The following ADAM2 variants were observed in gnomAD, a reference collection of about 807,000 sequenced individuals.
The protein encoded by ADAM2 is ADAM metallopeptidase domain 2, also known as disintegrin and metalloproteinase domain-containing protein 2.
Under a neutral mutation model 99.3 loss-of-function variants are expected in ADAM2, and 101 were observed. The ratio of observed to expected loss-of-function variants is 1.02; its 90% CI spans 0.87 to 1.20. The LOEUF (loss-of-function observed/expected upper bound fraction) is 1.20. ADAM2 is among the 50% of genes most tolerant of loss of function. ADAM2 has a pLI of 0.00. For synonymous variants in ADAM2, 323 were observed against 287.6 expected, an observed-to-expected ratio of 1.12 and a Z score of -1.25; for missense variants, 948 against 878.7, an observed-to-expected ratio of 1.08 and a Z score of -1.00.
intron 7 of ADAM2, among the ~76,000 whole-genome samples, chr8:39,792,462 C>T (rs1003716236): frequency 6.6e-6 from 1 of 152,006 alleles, no homozygotes; most frequent in African/African-American, 2.4e-5. Context: ...GACTGTAAGA[C>T]TGATGAAACC....
At chr8:39,787,104 A>G (rs1190682416) in intron 9 of ADAM2, 49 bp from the exon 10 acceptor site, 3 of 1,174,624 alleles carry the variant, frequency 2.6e-6, no homozygotes, top group Non-Finnish European at 3.6e-6. Context: ...AAAAATTAAT[A>G]TGAATTTTTA....
intron 14 of ADAM2, 41 bp downstream of exon 14, chr8:39,766,807 G>T: frequency 7.0e-7 from 1 of 1,422,078 alleles, no homozygotes; most frequent in Non-Finnish European, 9.6e-7. Flanking sequence ...TCAGTTTCCA[G>T]AAAAAAACGC....
At chr8:39,757,156 G>A (rs1003524186) in intron 15 of ADAM2, among the ~76,000 whole-genome samples, 5 of 151,656 alleles carry the variant, frequency 3.3e-5, no homozygotes, top group African/African-American at 9.7e-5. Flanking sequence ...CAAATCTCTA[G>A]AACTGGCATA....
chr8:39,777,191 T>G lies in ADAM2; in HGVS notation c.892-30A>C, dbSNP rs188028572. 30 of 1,576,176 alleles carry G rather than the reference T, an allele frequency of 1.9e-5. No individual in the cohort carries two copies. In the African/African-American group the frequency reaches 3.7e-4, roughly 19 times the overall value. On this transcript the variant is annotated intron_variant, in intron 10 of 20. Coordinates refer to ENST00000265708, the MANE Select transcript of ADAM2 (RefSeq NM_001464.5). ...GAAAAAAAAATAGATGTACACGTTT[T>G]GGGAGATTATTTTGTTTACTGGGAG...
chr8:39,765,023 CAAAAAATAAATAAATA>C (rs1232273707), intron 14 of ADAM2, among the ~76,000 whole-genome samples: 11 of 123,970 alleles, frequency 8.9e-5, no homozygotes, highest in African/African-American at 2.4e-4. Context: ...ACTCCGGCTC[CAAAAAATAAATAAATA>C]AATAAATAAA....
Position 39,787,053 on chromosome 8 carries a change from T to C in ADAM2, c.812A>G (p.Tyr271Cys), listed in dbSNP as rs754123040. The C allele has an allele frequency of 1.4e-5, 23 of 1,586,964 alleles. No homozygotes were observed. In the East Asian group the frequency reaches 3.2e-4, roughly 22 times the overall value. ...ACCAACATAATTTGACTTTTCTCTGTAACTTAAGTTTAAAAAGGGATCATA... is the reference window on the plus strand; with the variant it reads ...ACCAACATAATTTGACTTTTCTCTGCAACTTAAGTTTAAAAAGGGATCATA... ...RPHDVAFLLV[Y>C]REKSNYVGAT... is the part of the protein sequence containing the mutation. Residue 271 changes from tyrosine (Y) to cysteine (C), a missense_variant and splice_region_variant, in exon 10 of 21, where the codon TAC becomes TGC. Tyr to Cys is a radical substitution (Grantham distance 194). Coordinates refer to ENST00000265708, the MANE Select transcript of ADAM2 (RefSeq NM_001464.5).
chr8:39,755,947 A>C (rs987424179), intron 15 of ADAM2, 36 bp from the exon 16 acceptor site: 1 of 1,151,618 alleles, frequency 8.7e-7, no homozygotes, highest in Non-Finnish European at 1.2e-6. Context: ...TATTAATTTT[A>C]ATTTAGAGAA....
chr8:39,827,519 G>A (rs1563384408), intron 3 of ADAM2, among the ~76,000 whole-genome samples: 1 of 152,134 alleles, frequency 6.6e-6, no homozygotes, highest in Non-Finnish European at 1.5e-5. Flanking sequence ...AGAAAATGCA[G>A]TATATATGCA....
chr8:39,830,709 T>C (rs533973133), intron 3 of ADAM2, among the ~76,000 whole-genome samples: 2 of 152,234 alleles, frequency 1.3e-5, no homozygotes, highest in Admixed American at 6.5e-5. Context: ...TCAGAACACA[T>C]TGATGTGAGC....
chr8:39,815,802 T>C (rs1332838146), intron 6 of ADAM2, among the ~76,000 whole-genome samples: 9 of 152,090 alleles, frequency 5.9e-5, no homozygotes, highest in Non-Finnish European at 1.2e-4. Flanking sequence ...TGAGAAAAGA[T>C]ATGAATTATT....
At chr8:39,770,103 G>A (rs1415642587) in intron 11 of ADAM2, among the ~76,000 whole-genome samples, 2 of 151,686 alleles carry the variant, frequency 1.3e-5, no homozygotes, top group African/African-American at 2.4e-5. Context: ...ACGCCACCAC[G>A]ACCTACTAAT....
chr8:39,771,314 A>G (rs1277803133), intron 11 of ADAM2, among the ~76,000 whole-genome samples: 1 of 152,184 alleles, frequency 6.6e-6, no homozygotes. Flanking sequence ...ACTACCCTTT[A>G]TTCCCCTTAC....
intron 4 of ADAM2, among the ~76,000 whole-genome samples, chr8:39,822,652 AGAG>A (rs1805241705): frequency 1.3e-5 from 2 of 152,220 alleles, no homozygotes; most frequent in South Asian, 4.1e-4. Context: ...TATTATTAGA[AGAG>A]AAGTGTTTAA....
At position 39,767,349 on chromosome 8, in the gene ADAM2, G is replaced by A. The variant is rs1415651398; in HGVS notation, c.1213-98C>T. The A allele has an allele frequency of 3.9e-6, 4 of 1,019,732 alleles. No homozygotes were observed. The South Asian group carries it at 5.7e-5, about 15-fold the overall frequency. 63.2% of individuals were successfully genotyped at this position (1,019,732 alleles called of 1,614,324 possible). On this transcript the variant is annotated intron_variant, in intron 12 of 20. Transcript: ENST00000265708. ...CAACATATTATATAACATACACATA[G>A]GTGCTTAACTTACATGTTGGCAAAC...
chr8:39,748,885 C>A (rs1010385924), intron 18 of ADAM2, among the ~76,000 whole-genome samples: 5 of 152,144 alleles, frequency 3.3e-5, no homozygotes, highest in Non-Finnish European at 4.4e-5. Context: ...TGCTATACAT[C>A]CCTGACCATA....
At chr8:39,836,221 T>C (rs1296139458) in intron 2 of ADAM2, among the ~76,000 whole-genome samples, 1 of 152,108 alleles carries the variant, frequency 6.6e-6, no homozygotes, top group Non-Finnish European at 1.5e-5. Context: ...TTTTACTTAT[T>C]GCAAATAACT....
At chr8:39,825,152 TG>T (rs1324198909) in intron 3 of ADAM2, among the ~76,000 whole-genome samples, 1 of 152,224 alleles carries the variant, frequency 6.6e-6, no homozygotes, top group Non-Finnish European at 1.5e-5. Flanking sequence ...TGTACCATTT[TG>T]TTGGCCATTC....
At chr8:39,778,659 GGAA>G (rs958505898) in intron 10 of ADAM2, among the ~76,000 whole-genome samples, 2 of 151,838 alleles carry the variant, frequency 1.3e-5, no homozygotes, top group Non-Finnish European at 2.9e-5. Context: ...GACAGTGTTA[GGAA>G]GAAGAAGGAG....
intron 10 of ADAM2, among the ~76,000 whole-genome samples, chr8:39,781,012 C>CTT (rs988269267): frequency 2.8e-5 from 4 of 140,352 alleles, no homozygotes; most frequent in Admixed American, 7.2e-5. Flanking sequence ...CATACCTTTT[C>CTT]TTTTTTTTTT....
Sources: gnomAD v4.1 joint callset for allele counts (sites outside exome capture counted in the v4.1 genomes callset) on GRCh38, gnomAD v4.1.1 for gene constraint, MANE v1.5 for transcripts, NCBI Gene and HGNC (gene_info 2026-07-23, HGNC 2026-07-21) for gene names.